Variants in PRKN observed in about 807,000 individuals in gnomAD.
The protein encoded by PRKN is E3 ubiquitin-protein ligase parkin.
Under a neutral mutation model 59.5 loss-of-function variants are expected in PRKN, and 56 were observed. The observed-to-expected ratio is 0.94, with a 90% confidence interval of 0.76 to 1.18. The LOEUF (loss-of-function observed/expected upper bound fraction) is 1.18, where lower values mean the gene tolerates loss of function less well. Among genes scored for constraint, PRKN ranks in the 50% most tolerant of loss-of-function variants. PRKN has a pLI of 0.00. For synonymous variants in PRKN, 250 were observed against 222.1 expected (o/e 1.13, Z -1.12); for missense variants, 657 against 596.4 (o/e 1.10, Z -1.06).
At chr6:162,173,173 C>T (rs1162888404) in intron 4 of PRKN, among the ~76,000 whole-genome samples, 1 of 152,194 alleles carries the variant, frequency 6.6e-6, no homozygotes, top group African/African-American at 2.4e-5. Flanking sequence ...TTCCAAGGCT[C>T]TCTTTGATCA....
Position 161,388,245 on chromosome 6 carries a change from C to T in PRKN, c.1084-1368G>A, listed in dbSNP as rs1167271274. Among the ~76,000 whole-genome samples, 1 of 152,204 alleles carries T rather than the reference C, an allele frequency of 6.6e-6. No homozygotes were observed. Among genetic ancestry groups the T allele is most frequent in the Non-Finnish European group, 1.5e-5 (1 of 68,044 alleles). On this transcript the variant is annotated intron_variant, in intron 9 of 11. Transcript: ENST00000366898. The surrounding 1 kb of genome is among the most constrained non-coding windows in gnomAD (Gnocchi z 4.3). ...GGAAATGCTAGGATAACAGCGATAG[C>T]TTTCTCATATGACCCCTGGGAGAGG...
intron 3 of PRKN, 40 bp downstream of exon 3, chr6:162,262,485 C>G (rs1404627175): frequency 6.2e-7 from 1 of 1,613,338 alleles, no homozygotes; most frequent in Admixed American, 1.7e-5. Context: ...ACTAAACAAA[C>G]AAACAAAATG....
chr6:161,757,692 G>T lies in PRKN; in HGVS notation c.871+28080C>A, dbSNP rs578096370. 1.3e-4 allele frequency among the ~76,000 whole-genome samples: 20 copies of T among 151,904 alleles called. 1 individual carries two copies. The highest frequency in any genetic ancestry group is 4.8e-4 in the African/African-American group (20 of 41,422). ...ATCTCTACTAAAAATACAAAAATTA[G>T]CTGGGCATGGTGGCGTGTGCCTGTA... is the stretch of plus-strand genomic sequence containing the variant. On this transcript the variant is annotated intron_variant, in intron 7 of 11. Transcript: ENST00000366898.
chr6:162,180,723 C>T (rs897066452), intron 4 of PRKN, among the ~76,000 whole-genome samples: 2 of 152,162 alleles, frequency 1.3e-5, no homozygotes, highest in African/African-American at 2.4e-5. Flanking sequence ...GGCAGGGGAA[C>T]TGAGTTAACC....
intron 1 of PRKN, among the ~76,000 whole-genome samples, chr6:162,572,323 C>T (rs908642415): frequency 6.6e-6 from 1 of 152,198 alleles, no homozygotes. Context: ...AGAATAAACA[C>T]TCAGCACTCG....
chr6:161,845,152 G>A (rs1310056285), intron 6 of PRKN, among the ~76,000 whole-genome samples: 1 of 152,168 alleles, frequency 6.6e-6, no homozygotes, highest in Non-Finnish European at 1.5e-5. Flanking sequence ...CATTTAAAGT[G>A]GGATTGTGGC....
intron 5 of PRKN, among the ~76,000 whole-genome samples, chr6:162,038,053 T>C (rs777330816): frequency 6.7e-6 from 1 of 150,348 alleles, no homozygotes; most frequent in East Asian, 1.9e-4. Flanking sequence ...AAAAAAAAAA[T>C]AGAAACCAAT....
At position 162,650,514 on chromosome 6, in the gene PRKN, C is replaced by T. The variant is rs922949863; in HGVS notation, c.7+77148G>A. Among the ~76,000 whole-genome samples, 8 of 146,088 alleles carry T rather than the reference C, an allele frequency of 5.5e-5. No homozygotes were observed. In the East Asian group the frequency reaches 1.7e-3, roughly 30 times the overall value. On this transcript the variant is annotated intron_variant, in intron 1 of 11. Coordinates refer to ENST00000366898, the MANE Select transcript of PRKN (RefSeq NM_004562.3). ...TTGGGAGGCTGAGGCAGGAGAATGG[C>T]GTGACCCCGGGAGGCGGAGCTTGCA...
chr6:162,271,840 A>G (rs1780406898), intron 2 of PRKN, among the ~76,000 whole-genome samples: 1 of 152,216 alleles, frequency 6.6e-6, no homozygotes, highest in African/African-American at 2.4e-5. Context: ...CTTCTAAAAG[A>G]TGAATATTTG....
At chr6:161,403,595 T>A (rs1464344350) in intron 9 of PRKN, among the ~76,000 whole-genome samples, 2 of 152,174 alleles carry the variant, frequency 1.3e-5, no homozygotes, top group African/African-American at 4.8e-5. Context: ...CTCTGCCCCA[T>A]CTCTGTGAGA....
intron 2 of PRKN, among the ~76,000 whole-genome samples, chr6:162,425,571 C>G (rs1789198089): frequency 6.6e-6 from 1 of 152,062 alleles, no homozygotes; most frequent in Non-Finnish European, 1.5e-5. Flanking sequence ...CATAGAAAAC[C>G]CATCAATGAA....
At chr6:162,564,408 G>A (rs995011264) in intron 1 of PRKN, among the ~76,000 whole-genome samples, 3 of 151,482 alleles carry the variant, frequency 2.0e-5, no homozygotes, top group Admixed American at 6.6e-5. Context: ...AGAAAATAAA[G>A]GACAAGATAG....
intron 7 of PRKN, among the ~76,000 whole-genome samples, chr6:161,610,933 G>A (rs1415781773): frequency 6.6e-6 from 1 of 152,150 alleles, no homozygotes; most frequent in Non-Finnish European, 1.5e-5. Flanking sequence ...AGATAGAGTT[G>A]TTTGAATTTT....
chr6:161,426,769 A>T (rs552155298), intron 9 of PRKN, among the ~76,000 whole-genome samples: 81 of 151,868 alleles, frequency 5.3e-4, no homozygotes, highest in African/African-American at 1.9e-3. Context: ...CCCAGGCTGG[A>T]GTGCAGTGGC....
chr6:161,810,772 C>T (rs1271976761), intron 6 of PRKN, among the ~76,000 whole-genome samples: 1 of 151,986 alleles, frequency 6.6e-6, no homozygotes, highest in Non-Finnish European at 1.5e-5. Flanking sequence ...TTGGAAAAAT[C>T]AAAAAATAAA....
chr6:162,573,189 T>C (rs1562398112), intron 1 of PRKN, among the ~76,000 whole-genome samples: 1 of 152,204 alleles, frequency 6.6e-6, no homozygotes, highest in Non-Finnish European at 1.5e-5. Flanking sequence ...TTGGACTGAA[T>C]CACTCATTCC....
chr6:162,059,754 T>G (rs989716614), intron 4 of PRKN, among the ~76,000 whole-genome samples: 1 of 152,136 alleles, frequency 6.6e-6, no homozygotes, highest in Non-Finnish European at 1.5e-5. Flanking sequence ...TCTCTTTTTT[T>G]TTGCCTAGTA....
intron 7 of PRKN, among the ~76,000 whole-genome samples, chr6:161,641,557 A>G (rs1198170968): frequency 1.3e-5 from 2 of 152,180 alleles, no homozygotes; most frequent in East Asian, 3.8e-4. Context: ...TGGGAGACTG[A>G]CAGAGTAATA....
intron 1 of PRKN, among the ~76,000 whole-genome samples, chr6:162,721,549 C>T (rs76190375): frequency 3.3e-5 from 5 of 152,074 alleles, no homozygotes; most frequent in Non-Finnish European, 5.9e-5. Flanking sequence ...TCTAGAAGGC[C>T]GCCTTCACCT....
Sources: allele counts gnomAD v4.1 joint callset (sites outside exome capture counted in the v4.1 genomes callset), GRCh38; gene constraint gnomAD v4.1.1; non-coding constraint Gnocchi (gnomAD v3.1); transcripts MANE v1.5; gene names NCBI Gene and HGNC (gene_info 2026-07-23, HGNC 2026-07-21).